Variants in IGSF9 observed in about 807,000 individuals in gnomAD.
The protein encoded by IGSF9 is protein turtle homolog A.
IGSF9 carries 87 observed loss-of-function variants against 121.7 expected under a neutral mutation model. The ratio of observed to expected loss-of-function variants is 0.71; its 90% CI spans 0.60 to 0.85. The LOEUF is 0.85. Among genes scored for constraint, IGSF9 ranks in the 40% least tolerant of loss-of-function variants. The probability of loss-of-function intolerance (pLI) is 0.00; values close to 1 mark genes in which losing one functional copy is unlikely to be tolerated. For synonymous variants in IGSF9, 640 were observed against 648.4 expected (o/e 0.99, Z 0.20); for missense variants, 1,462 against 1,565.3 (o/e 0.93, Z 1.11).
chr1:159,943,480 C>T lies in IGSF9; in HGVS notation c.-26G>A, dbSNP rs1651478061. The T allele has an allele frequency of 6.5e-7, 1 of 1,531,088 alleles. No homozygotes were observed. Among genetic ancestry groups the T allele is most frequent in the Non-Finnish European group, 8.8e-7 (1 of 1,139,424 alleles). The allele number at this position is 1,531,088 out of a possible 1,614,324, so 94.8% of individuals were successfully genotyped here. ...AGCCCAGCTGGCCTGCTCACCCAGC[C>T]CCTCCTATCCACAGGAGCCCAGATG... On this transcript the variant is annotated 5_prime_UTR_variant, in exon 2 of 21. Transcript: ENST00000368094.
intron 3 of IGSF9, among the ~76,000 whole-genome samples, chr1:159,940,631 C>A (rs563010527): frequency 6.6e-6 from 1 of 152,170 alleles, no homozygotes; most frequent in Non-Finnish European, 1.5e-5. Context: ...GTGCTAACTG[C>A]GCCCAGACAT....
chr1:159,932,628 C>A lies in IGSF9; in HGVS notation c.1129G>T (p.Glu377Ter). 6.2e-7 allele frequency: 1 copy of A among 1,613,276 alleles called. No homozygotes were observed. The highest frequency in any genetic ancestry group is 8.5e-7 in the Non-Finnish European group (1 of 1,179,426). The change falls in exon 10 of 21, where the codon GAA (glutamate) becomes TAA (stop). Residue 377 changes from glutamate to a stop codon, truncating the protein, a stop_gained. Transcript: ENST00000368094. LOFTEE classifies it high-confidence loss of function. The surrounding 1 kb of genome is among the most constrained non-coding windows in gnomAD (Gnocchi z 4.1). ...DKFPGWSQGT[E>*]GSLIIALGNE... Reference sequence around the variant, plus strand: ...CCCAGGGCGATGATCAGTGAGCCTTCTGTGCCCTGGGACCAGCCAGGGAAC... The same window carrying A: ...CCCAGGGCGATGATCAGTGAGCCTTATGTGCCCTGGGACCAGCCAGGGAAC...
chr1:159,936,617 G>A (rs948366659), intron 5 of IGSF9, 101 bp from the exon 6 acceptor site: 23 of 1,521,294 alleles, frequency 1.5e-5, no homozygotes, highest in Non-Finnish European at 2.0e-5. Context: ...CCAGGCTCGG[G>A]GCAAACAATG....
chr1:159,931,506 C>G lies in IGSF9; in HGVS notation c.1460G>C (p.Ser487Thr). 1 of 1,614,196 alleles carries G rather than the reference C, an allele frequency of 6.2e-7. No homozygotes were observed. ...TKEAHGHWEC[S>T]ASNAVARVAT... is the part of the protein sequence containing the mutation. ...CACTCGGGCCACAGCATTGCTGGCA[C>G]TGCATTCCCAGTGCCCGTGGGCCTC... Residue 487 changes from serine to threonine, a missense_variant, in exon 12 of 21, where the codon AGT becomes ACT. Ser to Thr is a moderately conservative substitution (Grantham distance 58). Coordinates refer to ENST00000368094, the MANE Select transcript of IGSF9 (RefSeq NM_001135050.2). This position sits in a 1 kb window ranked among gnomAD's most constrained non-coding sequence, Gnocchi z 4.8.
intron 9 of IGSF9, 55 bp downstream of exon 9, chr1:159,934,135 C>T (rs1205420134): frequency 6.4e-7 from 1 of 1,566,922 alleles, no homozygotes; most frequent in Non-Finnish European, 8.7e-7. Context: ...ACCCTGCTGT[C>T]CTGAGCAGAA....
At chr1:159,927,946 A>G (rs2101872769) in intron 19 of IGSF9, 59 bp from the exon 20 acceptor site, 3 of 1,578,614 alleles carry the variant, frequency 1.9e-6, no homozygotes, top group Non-Finnish European at 8.6e-7. Context: ...GAGGCTGTTC[A>G]GAAAAGTCTG....
At position 159,932,624 on chromosome 1, in the gene IGSF9, C is replaced by A. The variant is rs145285329; in HGVS notation, c.1133G>T (p.Gly378Val). ...GTTCCCCAGGGCGATGATCAGTGAG[C>A]CTTCTGTGCCCTGGGACCAGCCAGG... is the stretch of plus-strand genomic sequence containing the variant. ...KFPGWSQGTEGSLIIALGNED... is the reference protein window; with the variant it reads ...KFPGWSQGTEVSLIIALGNED... The change falls in exon 10 of 21, where the codon GGC becomes GTC. Residue 378 changes from glycine to valine, a missense_variant. Gly to Val is a moderately radical substitution (Grantham distance 109, BLOSUM62 -3). This residue lies in a region of IGSF9 where 558 missense variants were observed against 599.4 expected (regional missense o/e 0.93). Coordinates refer to ENST00000368094, the MANE Select transcript of IGSF9 (RefSeq NM_001135050.2). This position sits in a 1 kb window ranked among gnomAD's most constrained non-coding sequence, Gnocchi z 4.1. 1 of 1,613,108 alleles carries A rather than the reference C, an allele frequency of 6.2e-7. No individual in the cohort carries two copies. The highest frequency in any genetic ancestry group is 1.3e-5 in the African/African-American group (1 of 74,868).
At position 159,931,016 on chromosome 1, in the gene IGSF9, G is replaced by A; in HGVS notation, c.1637+122C>T. On this transcript the variant is annotated intron_variant, in intron 13 of 20. Transcript: ENST00000368094. The surrounding 1 kb of genome is among the most constrained non-coding windows in gnomAD (Gnocchi z 4.8). Reference sequence around the variant, plus strand: ...TGCCTCAGAATCTGGAAACAGGGAAGCAGAGCCAGGACTGGTGAGGGATAG... The same window carrying A: ...TGCCTCAGAATCTGGAAACAGGGAAACAGAGCCAGGACTGGTGAGGGATAG... The A allele has an allele frequency of 6.7e-7, 1 of 1,482,108 alleles. No homozygotes were observed. Among genetic ancestry groups the A allele is most frequent in the Non-Finnish European group, 9.2e-7 (1 of 1,090,906 alleles). The allele number at this position is 1,482,108 out of a possible 1,614,324, so 91.8% of individuals were successfully genotyped here. A position where few individuals can be genotyped will look rare whatever the true frequency, so the allele number is the denominator to read the frequency against.
At chr1:159,941,045 C>G (rs1651357196) in intron 3 of IGSF9, among the ~76,000 whole-genome samples, 1 of 152,150 alleles carries the variant, frequency 6.6e-6, no homozygotes, top group Non-Finnish European at 1.5e-5. Flanking sequence ...CTCTTTAGTC[C>G]TAGCTTGTTT....
chr1:159,942,772 A>G (rs939444722), intron 3 of IGSF9, among the ~76,000 whole-genome samples, 191 bp downstream of exon 3: 3 of 151,748 alleles, frequency 2.0e-5, no homozygotes, highest in Admixed American at 6.6e-5. Context: ...GTGTGTGTAA[A>G]TGAATGAATC....
In IGSF9 at chr1:159,927,062, A is replaced by T; in HGVS notation, c.*283T>A. On this transcript the variant is annotated 3_prime_UTR_variant, in exon 21 of 21. Coordinates refer to ENST00000368094, the MANE Select transcript of IGSF9 (RefSeq NM_001135050.2). Reference sequence around the variant, plus strand: ...AACATCTTTCAAACTTTGTTTATTCACCTGTAAAAAACTTCACACACACAC... The same window carrying T: ...AACATCTTTCAAACTTTGTTTATTCTCCTGTAAAAAACTTCACACACACAC... The T allele has an allele frequency of 2.0e-6, 1 of 505,072 alleles. No homozygotes were observed. 31.3% of individuals were successfully genotyped at this position (505,072 alleles called of 1,614,324 possible). A position where few individuals can be genotyped will look rare whatever the true frequency, so the allele number is the denominator to read the frequency against.
rs748742880 is a variant in IGSF9 at position 159,934,249 on chromosome 1, T to C, written c.1045A>G (p.Asn349Asp). Residue 349 changes from asparagine to aspartate, a missense_variant, in exon 9 of 21, where the codon AAC (asparagine) becomes GAC (aspartate). Asn to Asp is a conservative substitution (Grantham distance 23). Around this residue, in one of 3 missense-constraint regions of IGSF9, gnomAD observed 558 missense variants for 599.4 expected, o/e 0.93. Coordinates refer to ENST00000368094, the MANE Select transcript of IGSF9 (RefSeq NM_001135050.2). ...CAGCTGACAAAGAGCAGTGGGGGGTTGGCACGAACCGGGCAGCGGATCACC... is the reference window on the plus strand; with the variant it reads ...CAGCTGACAAAGAGCAGTGGGGGGTCGGCACGAACCGGGCAGCGGATCACC... ...PGVIRCPVRA[N>D]PPLLFVSWTK... is the part of the protein sequence containing the mutation. 6.2e-7 allele frequency: 1 copy of C among 1,613,972 alleles called. No individual in the cohort carries two copies. Among genetic ancestry groups the C allele is most frequent in the Non-Finnish European group, 8.5e-7 (1 of 1,179,972 alleles).
chr1:159,928,753 G>T lies in IGSF9; in HGVS notation c.2635C>A (p.Arg879Ser), dbSNP rs745553705. Residue 879 changes from arginine to serine, a missense_variant, in exon 19 of 21, where the codon CGT becomes AGT. By Grantham distance (110) the Arg-to-Ser change is moderately radical. Around this residue, in one of 3 missense-constraint regions of IGSF9, gnomAD observed 808 missense variants for 815.2 expected, o/e 0.99. Coordinates refer to ENST00000368094, the MANE Select transcript of IGSF9 (RefSeq NM_001135050.2). ...CTACAGTCAAAGGACCGGGCCAGAC[G>T]CTGGGCTGGAGTCCGAGGTTCTGCC... The part of the protein sequence containing the change: ...EQAEPRTPAQ[R>S]LARSFDCSSS... 5.1e-5 allele frequency: 75 copies of T among 1,476,984 alleles called. No individual in the cohort carries two copies. Among genetic ancestry groups the T allele is most frequent in the Non-Finnish European group, 6.4e-5 (71 of 1,111,502 alleles). The allele number at this position is 1,476,984 out of a possible 1,614,324, so 91.5% of individuals were successfully genotyped here. A position where few individuals can be genotyped will look rare whatever the true frequency, so the allele number is the denominator to read the frequency against.
chr1:159,940,211 A>G (rs1259037718), intron 3 of IGSF9, among the ~76,000 whole-genome samples: 2 of 152,228 alleles, frequency 1.3e-5, no homozygotes, highest in African/African-American at 4.8e-5. Context: ...CACGGGTGTT[A>G]GGACCGAGTG....
intron 3 of IGSF9, among the ~76,000 whole-genome samples, chr1:159,939,840 C>G (rs771276316): frequency 1.3e-4 from 20 of 152,104 alleles, no homozygotes; most frequent in Non-Finnish European, 2.1e-4. Context: ...ATCCCCACCC[C>G]GGAGATAAGA....
At chr1:159,942,780 A>C (rs959853776) in intron 3 of IGSF9, among the ~76,000 whole-genome samples, 183 bp downstream of exon 3, 1 of 151,772 alleles carries the variant, frequency 6.6e-6, no homozygotes, top group African/African-American at 2.4e-5. Flanking sequence ...AAATGAATGA[A>C]TCTTTCAATG....
At chr1:159,937,952 T>C in intron 3 of IGSF9, 114 bp from the exon 4 acceptor site, 3 of 1,162,928 alleles carry the variant, frequency 2.6e-6, no homozygotes, top group Non-Finnish European at 3.6e-6. Context: ...TCCCAGTTAC[T>C]CTGAGTGTGG....
At chr1:159,929,839 GTCAGTGGAC>G in intron 16 of IGSF9, 25 bp from the exon 17 acceptor site, 1 of 1,596,320 alleles carries the variant, frequency 6.3e-7, no homozygotes, top group African/African-American at 1.3e-5. Flanking sequence ...ACGAGGGAGG[GTCAGTGGAC>G]TCGGAGCAGC....
In IGSF9 at chr1:159,928,666, G is replaced by C; in HGVS notation, c.2722C>G (p.Pro908Ala). Reference sequence around the variant, plus strand: ...GGACTGGGTGGGGCTGCTGGAGGGGGTGCCACAGGGCTGATGTCTTCAATG... The same window carrying C: ...GGACTGGGTGGGGCTGCTGGAGGGGCTGCCACAGGGCTGATGTCTTCAATG... ...LCIEDISPVA[P>A]PPAAPPSPLP... The change falls in exon 19 of 21, where the codon CCC (proline) becomes GCC (alanine). Residue 908 changes from proline (P) to alanine (A), a missense_variant. Physicochemically the swap from Pro to Ala is conservative, Grantham distance 27. Transcript: ENST00000368094. The C allele has an allele frequency of 1.4e-6, 2 of 1,477,592 alleles. No individual in the cohort carries two copies. Among genetic ancestry groups the C allele is most frequent in the Non-Finnish European group, 1.8e-6 (2 of 1,112,462 alleles). The allele number at this position is 1,477,592 out of a possible 1,614,324, so 91.5% of individuals were successfully genotyped here.
Sources: allele counts gnomAD v4.1 joint callset (sites outside exome capture counted in the v4.1 genomes callset), GRCh38; gene constraint gnomAD v4.1.1; regional missense constraint gnomAD v4.1.1; non-coding constraint Gnocchi (gnomAD v3.1); transcripts MANE v1.5; gene names NCBI Gene and HGNC (gene_info 2026-07-23, HGNC 2026-07-21).